AMZ1: variants seen among roughly 807,000 people sequenced by gnomAD.
AMZ1 encodes the protein archaelysin family metallopeptidase 1, also known as archaemetzincin-1.
A neutral mutation model predicts 29.9 loss-of-function variants in AMZ1; 39 were observed. That is an observed-to-expected ratio of 1.30 (90% confidence interval 1.01 to 1.70). AMZ1 has a LOEUF of 1.70. Among genes scored for constraint, AMZ1 ranks in the 40% most tolerant of loss-of-function variants. The pLI, the probability that AMZ1 is intolerant of heterozygous loss-of-function variation, is 0.00. For synonymous variants in AMZ1, 458 were observed against 304.0 expected, an observed-to-expected ratio of 1.51 and a Z score of -5.27; for missense variants, 1,041 against 680.6, an observed-to-expected ratio of 1.53 and a Z score of -5.89.
Position 2,745,583 on chromosome 7 carries a change from C to A in AMZ1, n.551-19129C>A, listed in dbSNP as rs144665018. On this transcript the variant is annotated intron_variant and non_coding_transcript_variant, in intron 4 of 4. Transcript: ENST00000489665. The stretch of plus-strand genomic sequence containing the variant: ...CAATAACATACCAAATTGTAAAGAC[C>A]ATCAAGGCTAGGAAAAAACTGCATC... Among the ~76,000 whole-genome samples the A allele has an allele frequency of 4.6e-3, 706 of 152,326 alleles. 2 individuals are homozygous for A. Among genetic ancestry groups the A allele is most frequent in the Non-Finnish European group, 8.3e-3 (568 of 68,040 alleles).
rs1034073932 is a variant in AMZ1, at chr7:2,719,505, G to A, written c.*6627G>A. 7.9e-5 allele frequency among the ~76,000 whole-genome samples: 12 copies of A among 152,176 alleles called. No individual in the cohort carries two copies. The highest frequency in any genetic ancestry group is 1.3e-4 in the Non-Finnish European group (9 of 68,040). On this transcript the variant is annotated 3_prime_UTR_variant, in exon 7 of 7. Coordinates refer to ENST00000683327, the MANE Select transcript of AMZ1 (RefSeq NM_001384743.1). ...ATTACATGAGCTTTGATCACCGCTCGATTGTATGGCACAGTTATTTTTAAA... is the reference window on the plus strand; with the variant it reads ...ATTACATGAGCTTTGATCACCGCTCAATTGTATGGCACAGTTATTTTTAAA...
chr7:2,710,904 T>C (rs1788732337), intron 6 of AMZ1, among the ~76,000 whole-genome samples: 1 of 152,348 alleles, frequency 6.6e-6, no homozygotes, highest in Middle Eastern at 3.4e-3. Context: ...AAGGGGCAGC[T>C]CTTAGTACCT....
intron 4 of AMZ1, among the ~76,000 whole-genome samples, chr7:2,734,822 C>T (rs79039784): frequency 0.025 from 3,799 of 152,246 alleles, 109 homozygotes; most frequent in Middle Eastern, 0.075. Flanking sequence ...GGGGCGAGCA[C>T]GTGCACCTCG....
chr7:2,709,929 C>G, intron 6 of AMZ1, 113 bp downstream of exon 6: 10 of 1,446,310 alleles, frequency 6.9e-6, no homozygotes, highest in Non-Finnish European at 9.4e-6. Flanking sequence ...TTGTCAACTG[C>G]CGGGTTCCAG....
chr7:2,724,559 G>A (rs1396800833), downstream of AMZ1, among the ~76,000 whole-genome samples: 1 of 150,840 alleles, frequency 6.6e-6, no homozygotes, highest in African/African-American at 2.4e-5. Flanking sequence ...CCACCCACGA[G>A]GGCCAGGCTG....
At chr7:2,709,856 C>T (rs377090538) in intron 6 of AMZ1, 40 bp downstream of exon 6, 185 of 1,601,922 alleles carry the variant, frequency 1.2e-4, no homozygotes, top group Non-Finnish European at 1.2e-4. Context: ...CTGGGACCTG[C>T]GCTCCGGAGG....
At chr7:2,727,593 C>T (rs1349538220) in intron 4 of AMZ1, among the ~76,000 whole-genome samples, 5 of 152,016 alleles carry the variant, frequency 3.3e-5, no homozygotes, top group Admixed American at 1.3e-4. Flanking sequence ...TCTCAAACTC[C>T]TGCACTCAAG....
Position 2,696,476 on chromosome 7 carries a change from C to A in AMZ1, c.-218-3758C>A, listed in dbSNP as rs535947744. 2.7e-5 allele frequency among the ~76,000 whole-genome samples: 4 copies of A among 149,334 alleles called. No homozygotes were observed. In the Admixed American group the frequency reaches 2.7e-4, roughly 10 times the overall value. The stretch of plus-strand genomic sequence containing the variant: ...GTTTCACCATGTTAGCCAGGATGGT[C>A]TCGATCTCCTGACCTCGTGATCTGC... On this transcript the variant is annotated intron_variant, in intron 1 of 6. Coordinates refer to ENST00000683327, the MANE Select transcript of AMZ1 (RefSeq NM_001384743.1).
intron 4 of AMZ1, among the ~76,000 whole-genome samples, chr7:2,752,312 T>C (rs1214762698): frequency 6.6e-6 from 1 of 152,218 alleles, no homozygotes; most frequent in African/African-American, 2.4e-5. Context: ...AGGGCATCTA[T>C]GAAAACCATG....
At chr7:2,705,063 C>T (rs1351473787) in intron 3 of AMZ1, among the ~76,000 whole-genome samples, 1 of 152,242 alleles carries the variant, frequency 6.6e-6, no homozygotes. Flanking sequence ...TATCCTGCTT[C>T]ATTGTGCCTT....
intron 1 of AMZ1, among the ~76,000 whole-genome samples, chr7:2,680,467 C>CG (rs1786843334): frequency 1.3e-5 from 2 of 152,200 alleles, no homozygotes; most frequent in Admixed American, 1.3e-4. Context: ...CCCTGGGCCG[C>CG]GAAGCCTCAA....
chr7:2,709,304 T>G, intron 5 of AMZ1, 60 bp downstream of exon 5: 1 of 1,430,682 alleles, frequency 7.0e-7, no homozygotes, highest in Non-Finnish European at 9.2e-7. Context: ...GAGCCCTTGG[T>G]GCCTCGGTCT....
intron 3 of AMZ1, among the ~76,000 whole-genome samples, chr7:2,704,310 C>A (rs1223321317): frequency 6.6e-6 from 1 of 152,138 alleles, no homozygotes; most frequent in African/African-American, 2.4e-5. Flanking sequence ...CAAGACCAGC[C>A]TGGGCAACTA....
At chr7:2,686,516 A>G (rs1361010324), upstream of AMZ1, among the ~76,000 whole-genome samples, 2 of 152,204 alleles carry the variant, frequency 1.3e-5, no homozygotes, top group African/African-American at 4.8e-5. Flanking sequence ...CTTGGGCAAT[A>G]GAGCAAGATC....
upstream of AMZ1, among the ~76,000 whole-genome samples, chr7:2,683,723 C>G (rs145809181): frequency 7.0e-3 from 1,062 of 152,186 alleles, 15 homozygotes; most frequent in African/African-American, 0.024. Context: ...GAGACGCGAG[C>G]CACCGCGCCC....
chr7:2,702,139 C>T (rs145325130), intron 2 of AMZ1: 1 of 153,030 alleles, frequency 6.5e-6, no homozygotes, highest in African/African-American at 2.4e-5. Context: ...GTCCTCCTGA[C>T]CTGTGATCTG....
chr7:2,762,981 C>T (rs1257121904), upstream of AMZ1: 1 of 1,341,606 alleles, frequency 7.5e-7, no homozygotes. Flanking sequence ...TCAGAAAGAG[C>T]CCTTGTGTGC....
intron 4 of AMZ1, among the ~76,000 whole-genome samples, chr7:2,726,535 A>G (rs1428012507): frequency 1.3e-5 from 2 of 152,198 alleles, no homozygotes; most frequent in East Asian, 3.9e-4. Context: ...ATCATCCAGC[A>G]TGGAGACGTG....
At chr7:2,725,611 A>C (rs1354664205) in intron 4 of AMZ1, among the ~76,000 whole-genome samples, 1 of 152,102 alleles carries the variant, frequency 6.6e-6, no homozygotes, top group Admixed American at 6.5e-5. Flanking sequence ...CAGGCCATGA[A>C]CCTGGGACCT....
Sources: allele counts gnomAD v4.1 joint callset (sites outside exome capture counted in the v4.1 genomes callset), GRCh38; gene constraint gnomAD v4.1.1; transcripts MANE v1.5; gene names NCBI Gene and HGNC (gene_info 2026-07-23, HGNC 2026-07-21).